CEBPZ: variants seen among roughly 807,000 people sequenced by gnomAD.
CEBPZ encodes the protein CCAAT/enhancer-binding protein zeta.
Under a neutral mutation model 104.5 loss-of-function variants are expected in CEBPZ, and 78 were observed. That is an observed-to-expected ratio of 0.75 (90% CI 0.62 to 0.90). The LOEUF (loss-of-function observed/expected upper bound fraction) is 0.90, where lower values mean the gene tolerates loss of function less well. Among genes scored for constraint, CEBPZ ranks in the 40% least tolerant of loss-of-function variants. The pLI is 0.00. For missense variants in CEBPZ, 1,439 were observed against 1,233.5 expected, an observed-to-expected ratio of 1.17 and a Z score of -2.50; for synonymous variants, 470 against 427.0, an observed-to-expected ratio of 1.10 and a Z score of -1.24.
rs1254436227 is a variant in CEBPZ at position 37,228,607 on chromosome 2, G to A, written c.586C>T (p.Pro196Ser). ...LEYSNEYSLK[P>S]QPQDVVSKYK... is the part of the protein sequence containing the mutation. The stretch of plus-strand genomic sequence containing the variant: ...TTAGATACAACATCCTGAGGCTGGG[G>A]TTTCAAAGAATATTCATTGCTGTAC... The change falls in exon 2 of 16, where the codon CCC (proline) becomes TCC (serine). Residue 196 changes from proline (P) to serine (S), a missense_variant. Physicochemically the swap from Pro to Ser is moderately conservative, Grantham distance 74. Coordinates refer to ENST00000234170, the MANE Select transcript of CEBPZ (RefSeq NM_005760.3). 5.6e-6 allele frequency: 9 copies of A among 1,614,166 alleles called. No individual in the cohort carries two copies. In the South Asian group the frequency reaches 9.9e-5, roughly 18 times the overall value.
rs1664927751 is a variant in CEBPZ, at chr2:37,227,829, C to T, written c.1364G>A (p.Ser455Asn). ...LNQMALSHEE[S>N]ELANKLITVY... ...AGTTATTAATTTGTTAGCCAATTCACTTTCTTCATGGGACAGAGCCATTTG... is the reference window on the plus strand; with the variant it reads ...AGTTATTAATTTGTTAGCCAATTCATTTTCTTCATGGGACAGAGCCATTTG... The change falls in exon 2 of 16, where the codon AGT (serine) becomes AAT (asparagine). Residue 455 changes from serine (S) to asparagine (N), a missense_variant. Transcript: ENST00000234170. 6.2e-7 allele frequency: 1 copy of T among 1,613,952 alleles called. No individual in the cohort carries two copies. Among genetic ancestry groups the T allele is most frequent in the Non-Finnish European group, 8.5e-7 (1 of 1,180,048 alleles).
In CEBPZ at chr2:37,201,676, T is replaced by C; in HGVS notation, c.*88A>G. Reference sequence around the variant, plus strand: ...AATCCACTGAGAAGTCTGGAATGTATGGAATCAGAGAGCTAGATCAAAAAA... The same window carrying C: ...AATCCACTGAGAAGTCTGGAATGTACGGAATCAGAGAGCTAGATCAAAAAA... On this transcript the variant is annotated 3_prime_UTR_variant, in exon 16 of 16. Coordinates refer to ENST00000234170, the MANE Select transcript of CEBPZ (RefSeq NM_005760.3). 1 of 824,096 alleles carries C rather than the reference T, an allele frequency of 1.2e-6. No homozygotes were observed. The highest frequency in any genetic ancestry group is 2.1e-6 in the Non-Finnish European group (1 of 482,882). 51.0% of individuals were successfully genotyped at this position (824,096 alleles called of 1,614,324 possible).
At chr2:37,224,851 C>G (rs1027507623) in intron 2 of CEBPZ, among the ~76,000 whole-genome samples, 8 of 152,188 alleles carry the variant, frequency 5.3e-5, no homozygotes, top group African/African-American at 1.9e-4. Flanking sequence ...TGTTAAGAAA[C>G]TCCATCTGTG....
At chr2:37,214,121 T>C (rs17020307) in intron 9 of CEBPZ, among the ~76,000 whole-genome samples, 160 bp from the exon 10 acceptor site, 3,336 of 152,288 alleles carry the variant, frequency 0.022, 72 homozygotes, top group African/African-American at 0.061. Context: ...ATACAAAAAA[T>C]AGTTTAACTC....
intron 4 of CEBPZ, 94 bp from the exon 5 acceptor site, chr2:37,220,567 T>A (rs1410933172): frequency 4.0e-6 from 2 of 503,980 alleles, no homozygotes; most frequent in Non-Finnish European, 6.9e-6. Context: ...TCAACAGATA[T>A]CTCCAACATT....
chr2:37,227,540 T>C lies in CEBPZ; in HGVS notation c.1649+4A>G. On this transcript the variant is annotated splice_donor_region_variant and intron_variant, in intron 2 of 15. Transcript: ENST00000234170. ...TGTCTCATATTGGAAGGGTATGTTC[T>C]TACCTGTATAATGCTGTGTAATATC... The C allele has an allele frequency of 6.3e-7, 1 of 1,597,294 alleles. No individual in the cohort carries two copies. Among genetic ancestry groups the C allele is most frequent in the Non-Finnish European group, 8.5e-7 (1 of 1,172,212 alleles).
At chr2:37,227,027 G>A (rs945136051) in intron 2 of CEBPZ, among the ~76,000 whole-genome samples, 6 of 152,094 alleles carry the variant, frequency 3.9e-5, no homozygotes, top group Admixed American at 3.3e-4. Flanking sequence ...GCGCCTCCAG[G>A]GGTGGGATTT....
At chr2:37,229,149 T>C in intron 1 of CEBPZ, 113 bp from the exon 2 acceptor site, 1 of 1,005,160 alleles carries the variant, frequency 9.9e-7, no homozygotes, top group Non-Finnish European at 1.3e-6. Flanking sequence ...AAAAATCCTT[T>C]CAAATTTGAC....
rs1677705384 is a variant in CEBPZ, at chr2:37,211,035, C to G, written c.2848G>C (p.Gly950Arg). Residue 950 changes from glycine (G) to arginine (R), a missense_variant, in exon 13 of 16, where the codon GGT becomes CGT. Transcript: ENST00000234170. ...CCAGCAAAGTCAAAATCATCTGTAC[C>G]TTTTCTCTTGCTTTTCTTAGTACTG... ...KVSTKKSKRKGTDDFDFAGSF... is the reference protein window; with the variant it reads ...KVSTKKSKRKRTDDFDFAGSF... 6.2e-7 allele frequency: 1 copy of G among 1,611,056 alleles called. No homozygotes were observed. Among genetic ancestry groups the G allele is most frequent in the African/African-American group, 1.3e-5 (1 of 74,778 alleles).
At chr2:37,212,274 T>C in intron 11 of CEBPZ, 61 bp downstream of exon 11, 2 of 1,459,722 alleles carry the variant, frequency 1.4e-6, no homozygotes, top group Non-Finnish European at 1.9e-6. Context: ...TCTACTGTTC[T>C]GAGGGACAAC....
chr2:37,222,138 G>T (rs1388158304), intron 4 of CEBPZ, among the ~76,000 whole-genome samples: 1 of 152,130 alleles, frequency 6.6e-6, no homozygotes, highest in South Asian at 2.1e-4. Flanking sequence ...ACAAAAATTA[G>T]CCAGGTGTGG....
chr2:37,226,957 CTT>C (rs1371551934), intron 2 of CEBPZ, among the ~76,000 whole-genome samples: 2 of 152,126 alleles, frequency 1.3e-5, no homozygotes, highest in African/African-American at 2.4e-5. Context: ...AAACTCTCTA[CTT>C]AACATACTTT....
intron 13 of CEBPZ, among the ~76,000 whole-genome samples, chr2:37,205,302 C>G (rs1237815428): frequency 6.6e-6 from 1 of 152,134 alleles, no homozygotes; most frequent in African/African-American, 2.4e-5. Context: ...CGGTTCCTGC[C>G]TTAACTGATG....
In CEBPZ at chr2:37,228,555, T is replaced by C. The variant is rs764200201; in HGVS notation, c.638A>G (p.Tyr213Cys). ...SKYKTLAQKL[Y>C]QHEINLFKSK... The stretch of plus-strand genomic sequence containing the variant: ...TTTGAATAAGTTGATTTCATGCTGA[T>C]ACAGCTTCTGAGCAAGGGTTTTGTA... The change falls in exon 2 of 16, where the codon TAT becomes TGT. Residue 213 changes from tyrosine (Y) to cysteine (C), a missense_variant. Transcript: ENST00000234170. The C allele has an allele frequency of 2.1e-5, 34 of 1,614,124 alleles. No individual in the cohort carries two copies. The highest frequency in any genetic ancestry group is 2.9e-5 in the Non-Finnish European group (34 of 1,180,050).
At chr2:37,222,357 G>A (rs370636674) in intron 4 of CEBPZ, 23 bp downstream of exon 4, 46 of 1,543,826 alleles carry the variant, frequency 3.0e-5, no homozygotes, top group Non-Finnish European at 3.8e-5. Context: ...ACTCCCTAGA[G>A]AATAAAGATG....
chr2:37,218,552 GTACTTGC>G (rs1664692504), intron 5 of CEBPZ, among the ~76,000 whole-genome samples: 1 of 152,096 alleles, frequency 6.6e-6, no homozygotes, highest in Non-Finnish European at 1.5e-5. Flanking sequence ...TTGGCTTTTG[GTACTTGC>G]TACTTAAAAT....
At chr2:37,224,348 AAC>A (rs1664834950) in intron 2 of CEBPZ, among the ~76,000 whole-genome samples, 1 of 152,240 alleles carries the variant, frequency 6.6e-6, no homozygotes, top group South Asian at 2.1e-4. Context: ...ACCCAGAATT[AAC>A]ACAATCCTCC....
chr2:37,223,218 C>G lies in CEBPZ; in HGVS notation c.1833G>C (p.Glu611Asp). The G allele has an allele frequency of 6.2e-7, 1 of 1,614,056 alleles. No homozygotes were observed. Among genetic ancestry groups the G allele is most frequent in the Non-Finnish European group, 8.5e-7 (1 of 1,179,992 alleles). The change falls in exon 3 of 16, where the codon GAG becomes GAC. Residue 611 changes from glutamate (E) to aspartate (D), a missense_variant. Coordinates refer to ENST00000234170, the MANE Select transcript of CEBPZ (RefSeq NM_005760.3). ...TTAAACCTGGTTTTGCTTTAAGGAT[C>G]TCAGACACAAGATATAAAGCTCCAC... Reference protein sequence around the residue: ...FICGALYLVSEILKAKPGLRS... With the variant: ...FICGALYLVSDILKAKPGLRS...
rs749428712 is a variant in CEBPZ, at chr2:37,216,432, C to T, written c.2209-14G>A. Reference sequence around the variant, plus strand: ...AATATAGTTTCCCTGAAAAGTGGAGCGGGGATTTAAAAACTTAATTCAAAT... The same window carrying T: ...AATATAGTTTCCCTGAAAAGTGGAGTGGGGATTTAAAAACTTAATTCAAAT... On this transcript the variant is annotated splice_polypyrimidine_tract_variant and intron_variant, in intron 6 of 15. Coordinates refer to ENST00000234170, the MANE Select transcript of CEBPZ (RefSeq NM_005760.3). 4.0e-5 allele frequency: 62 copies of T among 1,566,186 alleles called. No individual in the cohort carries two copies. The highest frequency in any genetic ancestry group is 1.6e-4 in the East Asian group (7 of 44,630).
Sources: gnomAD v4.1 joint callset for allele counts (sites outside exome capture counted in the v4.1 genomes callset) on GRCh38, gnomAD v4.1.1 for gene constraint, MANE v1.5 for transcripts, NCBI Gene and HGNC (gene_info 2026-07-23, HGNC 2026-07-21) for gene names.